The following LATS2 variants were observed in gnomAD, a reference collection of about 807,000 sequenced individuals.
LATS2 encodes serine/threonine-protein kinase LATS2.
A neutral mutation model predicts 76.0 loss-of-function variants in LATS2; 24 were observed. The observed-to-expected ratio is 0.32, with a 90% CI of 0.23 to 0.44. LATS2 has a LOEUF of 0.44. Among genes scored for constraint, LATS2 ranks in the 20% least tolerant of loss-of-function variants. The pLI is 1.00. For missense variants in LATS2, 1,286 were observed against 1,481.2 expected (o/e 0.87, Z 2.16); for synonymous variants, 692 against 635.4 (o/e 1.09, Z -1.34).
chr13:21,058,232 T>C (rs1873509871), intron 1 of LATS2, among the ~76,000 whole-genome samples: 1 of 152,228 alleles, frequency 6.6e-6, no homozygotes, highest in Non-Finnish European at 1.5e-5. Context: ...CAACTGTTTT[T>C]AAAAAGTCAG....
At chr13:20,985,607 C>T (rs1293528690) in intron 4 of LATS2, among the ~76,000 whole-genome samples, 4 of 151,754 alleles carry the variant, frequency 2.6e-5, no homozygotes, top group East Asian at 1.9e-4. Context: ...AGCATGGTGT[C>T]GCACACCTGT....
intron 1 of LATS2, among the ~76,000 whole-genome samples, chr13:21,050,069 G>A (rs1873212482): frequency 6.6e-6 from 1 of 151,528 alleles, no homozygotes; most frequent in South Asian, 2.1e-4. Context: ...GCAGTGAGCT[G>A]AGATTGTGCC....
intron 2 of LATS2, among the ~76,000 whole-genome samples, chr13:21,002,983 A>G (rs540772796): frequency 1.3e-5 from 2 of 152,316 alleles, no homozygotes; most frequent in South Asian, 2.1e-4. Flanking sequence ...GATTATAGGC[A>G]TGAGTCACTG....
intron 2 of LATS2, among the ~76,000 whole-genome samples, chr13:21,037,763 C>A (rs1872729668): frequency 4.6e-5 from 7 of 152,162 alleles, no homozygotes. Context: ...CGCAGCAGGG[C>A]CAGCACTGGG....
chr13:21,032,108 G>A (rs535416264), intron 2 of LATS2, among the ~76,000 whole-genome samples: 9 of 152,218 alleles, frequency 5.9e-5, no homozygotes, highest in Admixed American at 1.3e-4. Context: ...CTTACCATGT[G>A]CAGTAATGAT....
intron 2 of LATS2, among the ~76,000 whole-genome samples, chr13:21,013,458 G>A (rs1181317307): frequency 6.6e-6 from 1 of 152,188 alleles, no homozygotes; most frequent in African/African-American, 2.4e-5. Context: ...CCAATTTTCT[G>A]TAGAGAAGAT....
chr13:20,996,969 A>G (rs927407206), intron 2 of LATS2, among the ~76,000 whole-genome samples: 1 of 152,230 alleles, frequency 6.6e-6, no homozygotes, highest in Non-Finnish European at 1.5e-5. Flanking sequence ...AGACACCCCG[A>G]GGGGCCTGGC....
At chr13:20,975,398 T>TCCTC in intron 7 of LATS2, 34 bp from the exon 8 acceptor site, 1 of 1,520,092 alleles carries the variant, frequency 6.6e-7, no homozygotes, top group Non-Finnish European at 8.8e-7. Context: ...GGTTAGTTTC[T>TCCTC]CCTCACATCT....
chr13:20,978,118 C>T (rs1260184854), intron 7 of LATS2, among the ~76,000 whole-genome samples: 3 of 152,022 alleles, frequency 2.0e-5, no homozygotes, highest in Non-Finnish European at 4.4e-5. Flanking sequence ...GGTTTCACTA[C>T]GTTGGCCAGG....
At chr13:21,033,676 C>T (rs1872604826) in intron 2 of LATS2, among the ~76,000 whole-genome samples, 1 of 148,002 alleles carries the variant, frequency 6.8e-6, no homozygotes, top group African/African-American at 2.5e-5. Flanking sequence ...CACTTGGCCA[C>T]ATTCTTGGGC....
intron 2 of LATS2, among the ~76,000 whole-genome samples, chr13:20,998,753 G>A (rs1425700298): frequency 6.6e-6 from 1 of 152,202 alleles, no homozygotes; most frequent in African/African-American, 2.4e-5. Context: ...GGGCGAGGCG[G>A]GGCGGGGCCC....
In LATS2 at chr13:20,977,111, C is replaced by T. The variant is rs117120837; in HGVS notation, c.2773-1747G>A. Among the ~76,000 whole-genome samples the T allele has an allele frequency of 4.6e-4, 70 of 152,158 alleles. No homozygotes were observed. The East Asian group carries it at 0.013, about 27-fold the overall frequency. On this transcript the variant is annotated intron_variant, in intron 7 of 7. Transcript: ENST00000382592. ...GCATGACTCCACTTACAAGAAGTCC[C>T]GAGGCCAGGCACAGTGGCTCACACC... is the stretch of plus-strand genomic sequence containing the variant.
At chr13:21,036,322 G>A (rs1216724685) in intron 2 of LATS2, among the ~76,000 whole-genome samples, 2 of 152,086 alleles carry the variant, frequency 1.3e-5, no homozygotes, top group East Asian at 1.9e-4. Flanking sequence ...GTGAGCCACT[G>A]TGCCTGGCCA....
intron 2 of LATS2, among the ~76,000 whole-genome samples, chr13:21,029,343 C>T (rs1789587426): frequency 6.6e-6 from 1 of 152,056 alleles, no homozygotes; most frequent in Admixed American, 6.6e-5. Context: ...TGGTTTTATT[C>T]TTTATTTTGT....
chr13:21,033,276 G>C (rs760692992), intron 2 of LATS2, among the ~76,000 whole-genome samples: 9 of 152,064 alleles, frequency 5.9e-5, no homozygotes, highest in African/African-American at 9.7e-5. Context: ...GAGAGAATAG[G>C]GGGTAGAGGG....
At chr13:21,038,989 A>G (rs1595251305) in intron 2 of LATS2, among the ~76,000 whole-genome samples, 1 of 152,200 alleles carries the variant, frequency 6.6e-6, no homozygotes, top group Non-Finnish European at 1.5e-5. Context: ...AAGAAAACAA[A>G]AACAAAAACT....
rs776395915 is a variant in LATS2 at position 20,979,408 on chromosome 13, C to T, written c.2772+283G>A. On this transcript the variant is annotated intron_variant, in intron 7 of 7. Coordinates refer to ENST00000382592, the MANE Select transcript of LATS2 (RefSeq NM_014572.3). ...GATCAGCAGCACACCTTTGCTGATC[C>T]TCACTGTTCTTGCCTGGAAATAGCA... Among the ~76,000 whole-genome samples, 14 of 152,136 alleles carry T rather than the reference C, an allele frequency of 9.2e-5. 1 individual carries two copies. The South Asian group carries it at 1.2e-3, about 14-fold the overall frequency.
chr13:20,991,280 G>C lies in LATS2; in HGVS notation c.467C>G (p.Thr156Ser). The C allele has an allele frequency of 6.2e-7, 1 of 1,614,168 alleles. No homozygotes were observed. Among genetic ancestry groups the C allele is most frequent in the Non-Finnish European group, 8.5e-7 (1 of 1,180,010 alleles). Reference protein sequence around the residue: ...NEQIVRVIKQTSPGKGLMPTP... With the variant: ...NEQIVRVIKQSSPGKGLMPTP... ...TGCAGGCCTGGGCTCACCTGGGGAGGTCTGCTTAATGACCCGCACAATCTG... is the reference window on the plus strand; with the variant it reads ...TGCAGGCCTGGGCTCACCTGGGGAGCTCTGCTTAATGACCCGCACAATCTG... The change falls in exon 3 of 8, where the codon ACC (threonine) becomes AGC (serine). Residue 156 changes from threonine (T) to serine (S), a missense_variant. Physicochemically the swap from Thr to Ser is moderately conservative, Grantham distance 58. Coordinates refer to ENST00000382592, the MANE Select transcript of LATS2 (RefSeq NM_014572.3). This position sits in a 1 kb window ranked among gnomAD's most constrained non-coding sequence, Gnocchi z 4.9.
intron 2 of LATS2, among the ~76,000 whole-genome samples, chr13:21,019,892 T>C (rs1223102514): frequency 6.6e-6 from 1 of 150,750 alleles, no homozygotes; most frequent in African/African-American, 2.4e-5. Context: ...GAGAATTGCT[T>C]GAACCCAGGA....
Sources: gnomAD v4.1 joint callset for allele counts (sites outside exome capture counted in the v4.1 genomes callset) on GRCh38, gnomAD v4.1.1 for gene constraint, Gnocchi (gnomAD v3.1) non-coding constraint, MANE v1.5 for transcripts, NCBI Gene and HGNC (gene_info 2026-07-23, HGNC 2026-07-21) for gene names.